Variants in ZNF184 observed in about 807,000 individuals in gnomAD.
ZNF184 encodes zinc finger protein 184 (Kruppel-like).
Under a neutral mutation model 54.4 loss-of-function variants are expected in ZNF184, and 16 were observed. That is an observed-to-expected ratio of 0.29 (90% CI 0.20 to 0.45). ZNF184 has a LOEUF of 0.45. Among genes scored for constraint, ZNF184 ranks in the 20% least tolerant of loss-of-function variants. The probability of loss-of-function intolerance (pLI) is 1.00; values close to 1 mark genes in which losing one functional copy is unlikely to be tolerated. For synonymous variants in ZNF184, 254 were observed against 295.3 expected (o/e 0.86, Z 1.43); for missense variants, 681 against 888.2 (o/e 0.77, Z 2.97).
the ZNF184 span, chr6:27,406,438 G>C: frequency 2.6e-5 from 4 of 152,230 alleles, no homozygotes; most frequent in African/African-American, 4.8e-5. Context: ...GCCTTCCCTG[G>C]AAACTTATCC....
At chr6:27,429,717 T>C in the ZNF184 span, among the ~76,000 whole-genome samples, 1 of 152,156 alleles carries the variant, frequency 6.6e-6, no homozygotes, top group Non-Finnish European at 1.5e-5. Flanking sequence ...CATTCTTTAC[T>C]CTCCTCTGAG....
chr6:27,405,189 A>G, the ZNF184 span: 1 of 152,214 alleles, frequency 6.6e-6, no homozygotes, highest in African/African-American at 2.4e-5. Flanking sequence ...ACTTATTTAA[A>G]AAAAGTTAAC....
At chr6:27,471,445 C>T (rs569751835) in intron 2 of ZNF184, among the ~76,000 whole-genome samples, 8 of 152,154 alleles carry the variant, frequency 5.3e-5, no homozygotes, top group African/African-American at 9.7e-5. Flanking sequence ...CAGTACATCA[C>T]TGATAGTTTT....
At chr6:27,428,294 ACT>A in the ZNF184 span, among the ~76,000 whole-genome samples, 1 of 151,924 alleles carries the variant, frequency 6.6e-6, no homozygotes, top group African/African-American at 2.4e-5. The surrounding 1 kb of genome is among the most constrained non-coding windows in gnomAD (Gnocchi z 4.1). Flanking sequence ...CTGTCTCTTT[ACT>A]CTCTTCTGGA....
At chr6:27,467,376 A>G (rs1489714654) in intron 3 of ZNF184, among the ~76,000 whole-genome samples, 1 of 152,148 alleles carries the variant, frequency 6.6e-6, no homozygotes, top group African/African-American at 2.4e-5. Context: ...TGGATGGATC[A>G]TGAGGTCAGG....
intron 5 of ZNF184, among the ~76,000 whole-genome samples, chr6:27,455,492 G>C (rs1233470080): frequency 6.6e-6 from 1 of 151,862 alleles, no homozygotes; most frequent in Non-Finnish European, 1.5e-5. Flanking sequence ...TTGACAACTT[G>C]CTTTTTCCAA....
At chr6:27,406,371 C>A in the ZNF184 span, 1 of 152,348 alleles carries the variant, frequency 6.6e-6, no homozygotes. Flanking sequence ...AGCTGATGCC[C>A]AGGTGCAAAG....
the ZNF184 span, among the ~76,000 whole-genome samples, chr6:27,421,690 A>C: frequency 6.6e-6 from 1 of 152,212 alleles, no homozygotes. Context: ...AACCCAGCTA[A>C]TTCAACAAAA....
chr6:27,457,240 T>C, intron 4 of ZNF184, 43 bp downstream of exon 4: 1 of 1,601,268 alleles, frequency 6.2e-7, no homozygotes, highest in Non-Finnish European at 8.5e-7. Context: ...AGAACCCTCC[T>C]CCTGCACACC....
the ZNF184 span, among the ~76,000 whole-genome samples, chr6:27,429,030 C>T: frequency 3.9e-5 from 6 of 152,134 alleles, no homozygotes; most frequent in East Asian, 1.9e-4. Flanking sequence ...GAGAACTTGC[C>T]GGGAAAGCCT....
At chr6:27,414,062 A>T in the ZNF184 span, among the ~76,000 whole-genome samples, 35 of 152,300 alleles carry the variant, frequency 2.3e-4, no homozygotes, top group African/African-American at 8.4e-4. Context: ...ACAACTTCAT[A>T]GTCTAAAATT....
the ZNF184 span, among the ~76,000 whole-genome samples, chr6:27,410,577 G>T: frequency 1.3e-5 from 2 of 152,116 alleles, no homozygotes; most frequent in Non-Finnish European, 2.9e-5. Flanking sequence ...TGTCACCCAG[G>T]CTGGAGTGCA....
chr6:27,405,509 C>T, the ZNF184 span: 2 of 152,208 alleles, frequency 1.3e-5, no homozygotes, highest in Non-Finnish European at 2.9e-5. Flanking sequence ...AGTGAAGGCT[C>T]GGGGTCTAGG....
the ZNF184 span, among the ~76,000 whole-genome samples, chr6:27,422,660 G>A: frequency 6.6e-6 from 1 of 152,110 alleles, no homozygotes; most frequent in African/African-American, 2.4e-5. Flanking sequence ...TCTCAAGCTG[G>A]AAAAGCTCTA....
chr6:27,443,472 G>A, the ZNF184 span, among the ~76,000 whole-genome samples: 2 of 152,104 alleles, frequency 1.3e-5, no homozygotes, highest in African/African-American at 2.4e-5. Flanking sequence ...TGGTGATTTC[G>A]ATATGTATGT....
chr6:27,471,967 T>C (rs1287348356), intron 2 of ZNF184, among the ~76,000 whole-genome samples: 1 of 152,222 alleles, frequency 6.6e-6, no homozygotes, highest in Non-Finnish European at 1.5e-5. Context: ...ATTGAAGGGA[T>C]AATTGCCAAG....
Position 27,452,918 on chromosome 6 carries a change from T to C in ZNF184, c.641A>G (p.Asn214Ser), listed in dbSNP as rs372124595. 6.2e-7 allele frequency: 1 copy of C among 1,614,158 alleles called. No homozygotes were observed. The change falls in exon 6 of 6, where the codon AAC becomes AGC. Residue 214 changes from asparagine (N) to serine (S), a missense_variant. Asn to Ser is a conservative substitution (Grantham distance 46). Coordinates refer to ENST00000683788, the MANE Select transcript of ZNF184 (RefSeq NM_001318891.2). This position sits in a 1 kb window ranked among gnomAD's most constrained non-coding sequence, Gnocchi z 5.5. ...ACAAGATTTCTCTTTTTTAACTGGG[T>C]TTGAATTCTGTTTGATGCTTCTTTT... ...STKRSIKQNSNPVKKEKSCKC... is the reference protein window; with the variant it reads ...STKRSIKQNSSPVKKEKSCKC...
At chr6:27,469,007 TAAACA>T (rs2113737133) in intron 2 of ZNF184, among the ~76,000 whole-genome samples, 1 of 152,262 alleles carries the variant, frequency 6.6e-6, no homozygotes, top group East Asian at 1.9e-4. Flanking sequence ...TATACCTTAA[TAAACA>T]AAACAAAAAA....
In ZNF184 at chr6:27,453,216, C is replaced by T. The variant is rs763668535; in HGVS notation, c.343G>A (p.Asp115Asn). 1.9e-6 allele frequency: 3 copies of T among 1,612,652 alleles called. No homozygotes were observed. The highest frequency in any genetic ancestry group is 2.7e-5 in the African/African-American group (2 of 74,846). The change falls in exon 6 of 6, where the codon GAC (aspartate) becomes AAC (asparagine). Residue 115 changes from aspartate (D) to asparagine (N), a missense_variant. Coordinates refer to ENST00000683788, the MANE Select transcript of ZNF184 (RefSeq NM_001318891.2). The surrounding 1 kb of genome is among the most constrained non-coding windows in gnomAD (Gnocchi z 4.7). ...LENSVSAPEP[D>N]ISEEELSPEV... ...GGAGATAGCTCTTCTTCAGAAATGT[C>T]AGGCTCTGGGGCTGACACACTATTT...
Sources: allele counts gnomAD v4.1 joint callset (sites outside exome capture counted in the v4.1 genomes callset), GRCh38; gene constraint gnomAD v4.1.1; non-coding constraint Gnocchi (gnomAD v3.1); transcripts MANE v1.5; gene names NCBI Gene and HGNC (gene_info 2026-07-23, HGNC 2026-07-21).